MAN1C1: variants seen among roughly 807,000 people sequenced by gnomAD.
MAN1C1 encodes mannosyl-oligosaccharide 1,2-alpha-mannosidase IC.
In MAN1C1, 49 loss-of-function variants were observed where a neutral mutation model predicts 71.5. That is an observed-to-expected ratio of 0.69 (90% confidence interval 0.54 to 0.87). The LOEUF (loss-of-function observed/expected upper bound fraction) is 0.87, where lower values mean the gene tolerates loss of function less well. Among genes scored for constraint, MAN1C1 ranks in the 40% least tolerant of loss-of-function variants. The pLI is 0.00. For synonymous variants in MAN1C1, 352 were observed against 343.7 expected (o/e 1.02, Z -0.27); for missense variants, 743 against 835.0 (o/e 0.89, Z 1.36).
At chr1:25,717,515 C>T (rs752834391) in intron 2 of MAN1C1, among the ~76,000 whole-genome samples, 1 of 151,790 alleles carries the variant, frequency 6.6e-6, no homozygotes, top group Non-Finnish European at 1.5e-5. Context: ...AGAGTGAGAC[C>T]CTGTTTCAAA....
chr1:25,655,639 C>G (rs2045753474), intron 1 of MAN1C1, among the ~76,000 whole-genome samples: 1 of 152,102 alleles, frequency 6.6e-6, no homozygotes, highest in Non-Finnish European at 1.5e-5. Context: ...CTCCGACATC[C>G]TCTCCAACTC....
chr1:25,754,363 G>A (rs2047256717), intron 5 of MAN1C1, among the ~76,000 whole-genome samples: 1 of 152,186 alleles, frequency 6.6e-6, no homozygotes. Flanking sequence ...CCATGGCTCC[G>A]ATCACTGTCC....
At chr1:25,624,955 C>G (rs1435336706) in intron 1 of MAN1C1, among the ~76,000 whole-genome samples, 1 of 148,414 alleles carries the variant, frequency 6.7e-6, no homozygotes, top group Non-Finnish European at 1.5e-5. Flanking sequence ...GTTGTAGCTA[C>G]TATTTAAGTA....
chr1:25,656,652 G>C (rs1302715066), intron 1 of MAN1C1, among the ~76,000 whole-genome samples: 2 of 152,152 alleles, frequency 1.3e-5, no homozygotes, highest in African/African-American at 4.8e-5. Context: ...GCTTAAGCCT[G>C]CTTAATTGCA....
intron 1 of MAN1C1, among the ~76,000 whole-genome samples, chr1:25,682,766 G>A (rs1029712105): frequency 3.3e-5 from 5 of 152,114 alleles, no homozygotes; most frequent in African/African-American, 1.2e-4. Flanking sequence ...GGCTGGGCAC[G>A]GTGGCTCACA....
chr1:25,768,537 T>C (rs1461954921), intron 7 of MAN1C1, among the ~76,000 whole-genome samples: 1 of 60,088 alleles, frequency 1.7e-5, no homozygotes, highest in African/African-American at 6.2e-5. Flanking sequence ...CACACTCCCC[T>C]CACACACACC....
intron 2 of MAN1C1, among the ~76,000 whole-genome samples, chr1:25,700,272 G>A (rs994507902): frequency 1.3e-5 from 2 of 152,166 alleles, no homozygotes; most frequent in Non-Finnish European, 2.9e-5. Context: ...TTTAGGACCC[G>A]GAGGAGAGGA....
At chr1:25,659,328 G>C (rs2045813992) in intron 1 of MAN1C1, among the ~76,000 whole-genome samples, 1 of 152,098 alleles carries the variant, frequency 6.6e-6, no homozygotes, top group Non-Finnish European at 1.5e-5. Context: ...CTAGAAATAC[G>C]TCTCACCTGG....
intron 2 of MAN1C1, among the ~76,000 whole-genome samples, chr1:25,708,814 G>T (rs1437339969): frequency 2.0e-5 from 3 of 152,138 alleles, no homozygotes; most frequent in Non-Finnish European, 4.4e-5. Context: ...AACCTGGGAG[G>T]TGGAGGTTGC....
chr1:25,695,934 T>A (rs1178924056), intron 2 of MAN1C1, among the ~76,000 whole-genome samples: 2 of 152,228 alleles, frequency 1.3e-5, no homozygotes. Context: ...TTGATTTCTT[T>A]CTGTCTTTCT....
In MAN1C1 at chr1:25,618,040, T is replaced by C. The variant is rs779529896; in HGVS notation, c.243T>C (p.Pro81=). ...CCCCGGCCCGCGAGCAGGAGCCGCC[T>C]CCCAACCCGGCCCCCGCCGCGCCGG... ...GHAPAREQEP[P]PNPAPAAPAP... The change falls in exon 1 of 12, where the codon CCT becomes CCC. Residue 81 remains proline, a synonymous_variant. Coordinates refer to ENST00000374332, the MANE Select transcript of MAN1C1 (RefSeq NM_020379.4). 1.9e-6 allele frequency: 3 copies of C among 1,579,430 alleles called. No individual in the cohort carries two copies. The highest frequency in any genetic ancestry group is 2.6e-6 in the Non-Finnish European group (3 of 1,167,240).
chr1:25,656,648 G>A (rs1008075645), intron 1 of MAN1C1, among the ~76,000 whole-genome samples: 2 of 152,140 alleles, frequency 1.3e-5, no homozygotes, highest in Non-Finnish European at 2.9e-5. Flanking sequence ...CTGTGCTTAA[G>A]CCTGCTTAAT....
At chr1:25,644,510 A>ATTTTTTT in intron 1 of MAN1C1, 1 of 91,744 alleles carries the variant, frequency 1.1e-5, no homozygotes, top group African/African-American at 8.1e-5. Flanking sequence ...ATATATATAT[A>ATTTTTTT]TATATATATT....
At chr1:25,703,998 A>G (rs910260037) in intron 2 of MAN1C1, among the ~76,000 whole-genome samples, 1 of 152,072 alleles carries the variant, frequency 6.6e-6, no homozygotes. Flanking sequence ...GCCCAAGCCC[A>G]TCCCATCATC....
chr1:25,683,100 A>T (rs1001536318), intron 1 of MAN1C1, among the ~76,000 whole-genome samples: 2 of 152,082 alleles, frequency 1.3e-5, no homozygotes, highest in African/African-American at 4.8e-5. Flanking sequence ...AGGTCTTAGA[A>T]CTGCCTAAGC....
intron 2 of MAN1C1, among the ~76,000 whole-genome samples, chr1:25,727,740 G>A (rs1292591052): frequency 1.3e-5 from 2 of 152,360 alleles, no homozygotes; most frequent in East Asian, 1.9e-4. Flanking sequence ...CTTAGGAGCG[G>A]GGTACAGGCT....
In MAN1C1 at chr1:25,617,107, A is replaced by T. The variant is rs1484760476; in HGVS notation, c.-691A>T. Among the ~76,000 whole-genome samples, 1 of 151,722 alleles carries T rather than the reference A, an allele frequency of 6.6e-6. No individual in the cohort carries two copies. The highest frequency in any genetic ancestry group is 6.6e-5 in the Admixed American group (1 of 15,262). On this transcript the variant is annotated 5_prime_UTR_variant, in exon 1 of 12. In the 5' UTR this introduces an upstream ATG that the reference lacks. Transcript: ENST00000374332. The surrounding 1 kb of genome is among the most constrained non-coding windows in gnomAD (Gnocchi z 5.1). Reference sequence around the variant, plus strand: ...CCTGCGCTGTCTGGGGCCCGGGGGAAGCCCCCTGCCCCCGCAGGCTCGGAA... The same window carrying T: ...CCTGCGCTGTCTGGGGCCCGGGGGATGCCCCCTGCCCCCGCAGGCTCGGAA...
chr1:25,680,191 T>C (rs919852297), intron 1 of MAN1C1, among the ~76,000 whole-genome samples: 1 of 151,952 alleles, frequency 6.6e-6, no homozygotes, highest in African/African-American at 2.4e-5. Flanking sequence ...GCCTCCTAAG[T>C]ACCTGGGATT....
intron 2 of MAN1C1, among the ~76,000 whole-genome samples, chr1:25,688,479 A>G (rs2046264090): frequency 1.3e-5 from 2 of 152,340 alleles, no homozygotes; most frequent in South Asian, 4.1e-4. Context: ...CTGAAACTGC[A>G]CACAGCATGG....
Sources: allele counts gnomAD v4.1 joint callset (sites outside exome capture counted in the v4.1 genomes callset), GRCh38; gene constraint gnomAD v4.1.1; non-coding constraint Gnocchi (gnomAD v3.1); transcripts MANE v1.5; gene names NCBI Gene and HGNC (gene_info 2026-07-23, HGNC 2026-07-21).